LSAMP: variants seen among roughly 807,000 people sequenced by gnomAD.
The protein encoded by LSAMP is limbic system-associated membrane protein.
A neutral mutation model predicts 38.6 loss-of-function variants in LSAMP; 7 were observed. The ratio of observed to expected loss-of-function variants is 0.18; its 90% CI spans 0.10 to 0.34. LSAMP has a LOEUF of 0.34. Among genes scored for constraint, LSAMP ranks in the 10% least tolerant of loss-of-function variants. The probability of loss-of-function intolerance (pLI) is 1.00; values close to 1 mark genes in which losing one functional copy is unlikely to be tolerated. For synonymous variants in LSAMP, 154 were observed against 166.8 expected (o/e 0.92, Z 0.59); for missense variants, 313 against 420.0 (o/e 0.75, Z 2.23).
chr3:116,275,548 A>AT (rs397810452), intron 1 of LSAMP, among the ~76,000 whole-genome samples: 3 of 151,730 alleles, frequency 2.0e-5, no homozygotes, highest in Admixed American at 6.6e-5. Context: ...ATAGAAAAAA[A>AT]TCACAGAATT....
chr3:115,915,017 C>T (rs1360837373), intron 3 of LSAMP, among the ~76,000 whole-genome samples: 1 of 152,178 alleles, frequency 6.6e-6, no homozygotes, highest in African/African-American at 2.4e-5. Flanking sequence ...CTTTTATTTT[C>T]CTGGAAGCCA....
chr3:116,136,328 C>T (rs959429985), intron 1 of LSAMP, among the ~76,000 whole-genome samples: 1 of 151,436 alleles, frequency 6.6e-6, no homozygotes, highest in Non-Finnish European at 1.5e-5. Flanking sequence ...TAAGAGTGTG[C>T]TTTTAAACCT....
chr3:115,843,463 T>C (rs1047976183), intron 4 of LSAMP, among the ~76,000 whole-genome samples: 2 of 152,244 alleles, frequency 1.3e-5, no homozygotes, highest in African/African-American at 4.8e-5. Context: ...GCTGTGTTTG[T>C]GCAGGTTATG....
intron 3 of LSAMP, among the ~76,000 whole-genome samples, 194 bp downstream of exon 3, chr3:116,019,320 AC>A (rs1160508901): frequency 6.6e-6 from 1 of 151,972 alleles, no homozygotes; most frequent in African/African-American, 2.4e-5. Context: ...GACCATGAGG[AC>A]CCTAAATAAA....
chr3:115,918,246 A>G (rs1356355369), intron 3 of LSAMP, among the ~76,000 whole-genome samples: 1 of 152,228 alleles, frequency 6.6e-6, no homozygotes, highest in African/African-American at 2.4e-5. Flanking sequence ...AGACCACATT[A>G]TTCCAAATGA....
intron 3 of LSAMP, among the ~76,000 whole-genome samples, chr3:115,916,428 C>G (rs1343980820): frequency 1.3e-5 from 2 of 152,166 alleles, no homozygotes; most frequent in African/African-American, 4.8e-5. Flanking sequence ...AAATTCCCAT[C>G]ATTTAACAGA....
rs191298722 is a variant in LSAMP, at chr3:115,914,364, A to T, written c.515-61747T>A. Among the ~76,000 whole-genome samples the T allele has an allele frequency of 6.8e-4, 104 of 152,202 alleles. 1 individual carries two copies. In the East Asian group the frequency reaches 0.016, roughly 23 times the overall value. ...AAATTTCTCATCCCGCACCACCTCA[A>T]CCATAATATCTGTTCACTCTGGCTT... is the stretch of plus-strand genomic sequence containing the variant. On this transcript the variant is annotated intron_variant, in intron 3 of 6. Coordinates refer to ENST00000490035, the MANE Select transcript of LSAMP (RefSeq NM_002338.5).
Position 116,339,970 on chromosome 3 carries a change from C to T in LSAMP, c.155+104907G>A, listed in dbSNP as rs1444383851. Among the ~76,000 whole-genome samples, 3 of 152,002 alleles carry T rather than the reference C, an allele frequency of 2.0e-5. No individual in the cohort carries two copies. In the East Asian group the frequency reaches 5.8e-4, roughly 29 times the overall value. On this transcript the variant is annotated intron_variant, in intron 1 of 6. Transcript: ENST00000490035. The stretch of plus-strand genomic sequence containing the variant: ...CTCCACTGTCTGCCCAAATTCCTGA[C>T]CCAGAGTCTAGAGTATAACAACATG...
chr3:116,090,658 G>A (rs1708101855), intron 1 of LSAMP, among the ~76,000 whole-genome samples: 1 of 152,138 alleles, frequency 6.6e-6, no homozygotes, highest in African/African-American at 2.4e-5. Flanking sequence ...GAAATAAAAG[G>A]ACAGAGTACA....
intron 5 of LSAMP, 80 bp from the exon 6 acceptor site, chr3:115,842,073 T>C (rs1559846201): frequency 7.0e-7 from 1 of 1,426,162 alleles, no homozygotes. Context: ...ATCCTGACAC[T>C]GGAGGAAAAG....
intron 3 of LSAMP, among the ~76,000 whole-genome samples, chr3:115,943,871 C>T (rs10048977): frequency 0.048 from 7,372 of 152,178 alleles, 540 homozygotes; most frequent in African/African-American, 0.16. Flanking sequence ...TGGGGAAATC[C>T]CCAACTGCTT....
chr3:115,959,392 G>T (rs1938555406), intron 3 of LSAMP, among the ~76,000 whole-genome samples: 1 of 152,084 alleles, frequency 6.6e-6, no homozygotes, highest in Non-Finnish European at 1.5e-5. Flanking sequence ...GCATAGGGAA[G>T]GTTCAGTACC....
chr3:115,907,589 C>T (rs941710634), intron 3 of LSAMP, among the ~76,000 whole-genome samples: 1 of 152,140 alleles, frequency 6.6e-6, no homozygotes, highest in Admixed American at 6.6e-5. Flanking sequence ...TATTCATCTC[C>T]TGACTTTGAT....
chr3:116,149,232 G>A (rs1709557019), intron 1 of LSAMP, among the ~76,000 whole-genome samples: 1 of 151,902 alleles, frequency 6.6e-6, no homozygotes. Context: ...TAGAAAAAAA[G>A]GGAAAGAAAA....
intron 1 of LSAMP, among the ~76,000 whole-genome samples, chr3:116,423,604 C>T (rs1199974371): frequency 6.6e-6 from 1 of 152,176 alleles, no homozygotes; most frequent in Non-Finnish European, 1.5e-5. Context: ...ACCCAGCATT[C>T]AGCTCAGGAA....
intron 3 of LSAMP, among the ~76,000 whole-genome samples, chr3:115,918,797 T>C (rs1465450934): frequency 1.3e-5 from 2 of 150,362 alleles, no homozygotes; most frequent in African/African-American, 2.5e-5. Context: ...GACTTTGGAA[T>C]GAGTTAAATT....
At chr3:116,253,396 G>A (rs2046710709) in intron 1 of LSAMP, among the ~76,000 whole-genome samples, 1 of 152,094 alleles carries the variant, frequency 6.6e-6, no homozygotes, top group African/African-American at 2.4e-5. Context: ...TAAACTCCCT[G>A]GAGAGACACA....
intron 1 of LSAMP, among the ~76,000 whole-genome samples, chr3:116,293,285 A>C (rs114277317): frequency 2.4e-4 from 36 of 152,348 alleles, no homozygotes; most frequent in Non-Finnish European, 4.4e-4. Flanking sequence ...CCTTCATTTT[A>C]AATTCTAATG....
chr3:116,276,076 T>C (rs2047048041), intron 1 of LSAMP, among the ~76,000 whole-genome samples: 1 of 152,232 alleles, frequency 6.6e-6, no homozygotes, highest in African/African-American at 2.4e-5. Context: ...TAGCACTAAT[T>C]GATTTGATGG....
Sources: allele counts gnomAD v4.1 joint callset (sites outside exome capture counted in the v4.1 genomes callset), GRCh38; gene constraint gnomAD v4.1.1; transcripts MANE v1.5; gene names NCBI Gene and HGNC (gene_info 2026-07-23, HGNC 2026-07-21).